The following ADAMTS2 variants were observed in gnomAD, a reference collection of about 807,000 sequenced individuals.
ADAMTS2 encodes A disintegrin and metalloproteinase with thrombospondin motifs 2.
ADAMTS2 carries 50 observed loss-of-function variants against 123.0 expected under a neutral mutation model. The observed-to-expected ratio is 0.41, with a 90% CI of 0.32 to 0.51. The LOEUF is 0.51. Among genes scored for constraint, ADAMTS2 ranks in the 20% least tolerant of loss-of-function variants. The pLI, the probability that ADAMTS2 is intolerant of heterozygous loss-of-function variation, is 0.35. For missense variants in ADAMTS2, 1,494 were observed against 1,705.2 expected, an observed-to-expected ratio of 0.88 and a Z score of 2.18; for synonymous variants, 678 against 695.4, an observed-to-expected ratio of 0.98 and a Z score of 0.39.
intron 5 of ADAMTS2, among the ~76,000 whole-genome samples, chr5:179,167,056 CAGATGCTGACCCCAGCAG>C (rs1480305231): frequency 6.6e-6 from 1 of 152,230 alleles, no homozygotes; most frequent in Non-Finnish European, 1.5e-5. Flanking sequence ...GCCGCCCCGG[CAGATGCTGACCCCAGCAG>C]GAAGTCACCG....
At chr5:179,335,843 A>T (rs1757598104) in intron 2 of ADAMTS2, among the ~76,000 whole-genome samples, 1 of 152,192 alleles carries the variant, frequency 6.6e-6, no homozygotes, top group Admixed American at 6.5e-5. Context: ...AGGGCAAGGT[A>T]ACGGGAAGGG....
chr5:179,191,698 G>GC (rs1764310481), intron 4 of ADAMTS2, among the ~76,000 whole-genome samples: 1 of 152,146 alleles, frequency 6.6e-6, no homozygotes, highest in East Asian at 1.9e-4. Flanking sequence ...CCCTACCGCT[G>GC]CCCCCGCCTT....
At chr5:179,315,503 G>A (rs962053276) in intron 2 of ADAMTS2, among the ~76,000 whole-genome samples, 13 of 152,234 alleles carry the variant, frequency 8.5e-5, no homozygotes, top group African/African-American at 3.1e-4. Flanking sequence ...CCCTTGTCCC[G>A]CTCACGAGGA....
chr5:179,223,882 A>G (rs1039406341), intron 3 of ADAMTS2, among the ~76,000 whole-genome samples: 15 of 152,266 alleles, frequency 9.9e-5, no homozygotes, highest in Non-Finnish European at 2.1e-4. Context: ...CTCTACAGTG[A>G]ACTCCTGGAA....
rs941049441 is a variant in ADAMTS2 at position 179,314,348 on chromosome 5, G to A, written c.534+29419C>T. Among the ~76,000 whole-genome samples, 8 of 152,212 alleles carry A rather than the reference G, an allele frequency of 5.3e-5. No individual in the cohort carries two copies. Among genetic ancestry groups the A allele is most frequent in the South Asian group, 4.1e-4 (2 of 4,836 alleles). On this transcript the variant is annotated intron_variant, in intron 2 of 21. Coordinates refer to ENST00000251582, the MANE Select transcript of ADAMTS2 (RefSeq NM_014244.5). This position sits in a 1 kb window ranked among gnomAD's most constrained non-coding sequence, Gnocchi z 4.5. The stretch of plus-strand genomic sequence containing the variant: ...TGCCACGTCTCACTGGGAGCTGGGC[G>A]GCCGCCAGCTCTGAGCTAAGTGAGC...
chr5:179,142,208 A>G (rs1432521531), intron 10 of ADAMTS2, among the ~76,000 whole-genome samples: 1 of 152,230 alleles, frequency 6.6e-6, no homozygotes, highest in Admixed American at 6.5e-5. Flanking sequence ...GCAGTGAGCA[A>G]TTAAGAGGAG....
At chr5:179,212,164 C>T (rs1764868076) in intron 3 of ADAMTS2, among the ~76,000 whole-genome samples, 1 of 152,216 alleles carries the variant, frequency 6.6e-6, no homozygotes, top group Non-Finnish European at 1.5e-5. Flanking sequence ...TCGGGAGCAT[C>T]GTGGGATGGT....
At chr5:179,153,771 G>A in intron 8 of ADAMTS2, 148 bp from the exon 9 acceptor site, 2 of 1,302,482 alleles carry the variant, frequency 1.5e-6, no homozygotes, top group South Asian at 1.4e-5. Flanking sequence ...TTTCCCTGCT[G>A]CATCTCTTGT....
At chr5:179,226,624 C>T (rs1480188267) in intron 3 of ADAMTS2, among the ~76,000 whole-genome samples, 1 of 152,072 alleles carries the variant, frequency 6.6e-6, no homozygotes, top group Non-Finnish European at 1.5e-5. Context: ...AAAGAAACAA[C>T]CTGCATCAGA....
At chr5:179,230,181 G>A (rs1016154641) in intron 3 of ADAMTS2, among the ~76,000 whole-genome samples, 4 of 152,322 alleles carry the variant, frequency 2.6e-5, no homozygotes, top group African/African-American at 9.6e-5. Flanking sequence ...AGGAGGGCAG[G>A]GCAGGCTGGG....
intron 2 of ADAMTS2, among the ~76,000 whole-genome samples, chr5:179,320,924 G>C (rs1378839531): frequency 6.6e-6 from 1 of 152,156 alleles, no homozygotes; most frequent in African/African-American, 2.4e-5. Context: ...GCAGGCCTGA[G>C]AGTGAAATCG....
chr5:179,198,413 C>T (rs377367520), intron 4 of ADAMTS2, among the ~76,000 whole-genome samples: 105 of 152,314 alleles, frequency 6.9e-4, no homozygotes, highest in African/African-American at 2.2e-3. Flanking sequence ...TGCCCTTAGA[C>T]GGGGGAATGT....
chr5:179,225,177 G>T lies in ADAMTS2; in HGVS notation c.689-17462C>A, dbSNP rs568742132. ...CACCAGGCTCCTCCTCCCTCTCATGGACTCTCAATTCAGCCCCGCACAGCC... is the reference window on the plus strand; with the variant it reads ...CACCAGGCTCCTCCTCCCTCTCATGTACTCTCAATTCAGCCCCGCACAGCC... On this transcript the variant is annotated intron_variant, in intron 3 of 21. Coordinates refer to ENST00000251582, the MANE Select transcript of ADAMTS2 (RefSeq NM_014244.5). This position sits in a 1 kb window ranked among gnomAD's most constrained non-coding sequence, Gnocchi z 4.5. Among the ~76,000 whole-genome samples the T allele has an allele frequency of 1.4e-4, 22 of 152,290 alleles. No homozygotes were observed. In the South Asian group the frequency reaches 3.3e-3, roughly 23 times the overall value.
At chr5:179,195,775 G>A (rs60174973) in intron 4 of ADAMTS2, among the ~76,000 whole-genome samples, 2,451 of 152,304 alleles carry the variant, frequency 0.016, 81 homozygotes, top group African/African-American at 0.055. Flanking sequence ...GGCACACAGG[G>A]CCAGGCTGTA....
intron 2 of ADAMTS2, among the ~76,000 whole-genome samples, chr5:179,310,991 C>T (rs989007613): frequency 6.6e-6 from 1 of 152,086 alleles, no homozygotes; most frequent in African/African-American, 2.4e-5. Context: ...CCGCCCCTTT[C>T]CACCCCAGGT....
chr5:179,142,124 A>T (rs1763181959), intron 10 of ADAMTS2, among the ~76,000 whole-genome samples: 1 of 152,132 alleles, frequency 6.6e-6, no homozygotes, highest in South Asian at 2.1e-4. Flanking sequence ...CCCTAAGGGG[A>T]CTGACTTTGA....
intron 19 of ADAMTS2, among the ~76,000 whole-genome samples, chr5:179,124,368 C>T (rs1325876010): frequency 6.6e-6 from 1 of 152,090 alleles, no homozygotes; most frequent in Non-Finnish European, 1.5e-5. Flanking sequence ...CATCCTCATT[C>T]TTCCTCCCAG....
intron 5 of ADAMTS2, among the ~76,000 whole-genome samples, chr5:179,163,657 C>T (rs1271184412): frequency 6.6e-6 from 1 of 152,222 alleles, no homozygotes; most frequent in Non-Finnish European, 1.5e-5. Context: ...CTCCCAGATG[C>T]TGGCTTCTGT....
At chr5:179,164,289 C>A (rs892387479) in intron 5 of ADAMTS2, among the ~76,000 whole-genome samples, 2 of 152,230 alleles carry the variant, frequency 1.3e-5, no homozygotes, top group African/African-American at 2.4e-5. Context: ...GAGGCCCAGA[C>A]ATTGACCTTG....
Sources: gnomAD v4.1 joint callset for allele counts (sites outside exome capture counted in the v4.1 genomes callset) on GRCh38, gnomAD v4.1.1 for gene constraint, Gnocchi (gnomAD v3.1) non-coding constraint, MANE v1.5 for transcripts, NCBI Gene and HGNC (gene_info 2026-07-23, HGNC 2026-07-21) for gene names.